Variants in EPHA10 observed in about 807,000 individuals in gnomAD.
EPHA10 encodes ephrin type-A receptor 10.
EPHA10 carries 120 observed loss-of-function variants against 109.7 expected under a neutral mutation model. The observed-to-expected ratio is 1.09, with a 90% confidence interval of 0.94 to 1.27. The LOEUF is 1.27. EPHA10 is among the 50% of genes most tolerant of loss of function. EPHA10 has a pLI of 0.00. For missense variants in EPHA10, 1,396 were observed against 1,411.1 expected (o/e 0.99, Z 0.17); for synonymous variants, 640 against 618.9 (o/e 1.03, Z -0.51).
At chr1:37,735,107 G>C in intron 6 of EPHA10, 150 bp downstream of exon 6, 1 of 872,858 alleles carries the variant, frequency 1.1e-6, no homozygotes, top group Non-Finnish European at 1.8e-6. Context: ...GGAGGAGGGG[G>C]AGACTCGAGC....
chr1:37,739,403 G>A (rs1646119667), intron 5 of EPHA10, among the ~76,000 whole-genome samples: 1 of 152,154 alleles, frequency 6.6e-6, no homozygotes, highest in South Asian at 2.1e-4. Flanking sequence ...AGTGACTCAT[G>A]CTTATAATCT....
chr1:37,761,989 T>C lies in EPHA10; in HGVS notation c.266A>G (p.Gln89Arg). The C allele has an allele frequency of 1.2e-6, 2 of 1,614,206 alleles. No individual in the cohort carries two copies. The highest frequency in any genetic ancestry group is 1.7e-6 in the Non-Finnish European group (2 of 1,180,030). The change falls in exon 3 of 17, where the codon CAG becomes CGG. Residue 89 changes from glutamine to arginine, a missense_variant. Coordinates refer to ENST00000373048, the MANE Select transcript of EPHA10 (RefSeq NM_001099439.2). The stretch of plus-strand genomic sequence containing the variant: ...GCGGCCACGGCTTATCCAGCCAGTC[T>C]GCAGCCAGTTGTCCTGGTTGGGCTC... ...VLEPNQDNWL[Q>R]TGWISRGRGQ...
rs779669590 is a variant in EPHA10 at position 37,761,461 on chromosome 1, G to A, written c.794C>T (p.Pro265Leu). 3 of 1,599,434 alleles carry A rather than the reference G, an allele frequency of 1.9e-6. No homozygotes were observed. The highest frequency in any genetic ancestry group is 2.5e-6 in the Non-Finnish European group (3 of 1,179,666). The change falls in exon 3 of 17, where the codon CCT (proline) becomes CTT (leucine). Residue 265 changes from proline to leucine, a missense_variant. Coordinates refer to ENST00000373048, the MANE Select transcript of EPHA10 (RefSeq NM_001099439.2). ...CGCGCTGCAGCTGCAGCGGCCCACA[G>A]GCACCAGCCACTCGCCGTCGGCGCC... ...HCGADGEWLV[P>L]VGRCSCSAGF...
chr1:37,731,785 C>T (rs779565998), intron 6 of EPHA10, among the ~76,000 whole-genome samples: 4 of 152,218 alleles, frequency 2.6e-5, no homozygotes, highest in Non-Finnish European at 4.4e-5. Context: ...CAAGCACCCA[C>T]CCACACTCGG....
At chr1:37,720,227 C>T in intron 13 of EPHA10, 124 bp downstream of exon 13, 1 of 1,400,536 alleles carries the variant, frequency 7.1e-7, no homozygotes, top group African/African-American at 1.4e-5. Context: ...GGTTCACTCG[C>T]ATTTATGCCA....
intron 3 of EPHA10, 45 bp downstream of exon 3, chr1:37,761,360 C>T (rs1355010257): frequency 1.3e-6 from 2 of 1,590,280 alleles, no homozygotes; most frequent in Admixed American, 1.7e-5. Flanking sequence ...CAATTGCCAC[C>T]TACGCTCTAC....
At chr1:37,756,725 C>T (rs535875978) in intron 3 of EPHA10, 1 of 152,426 alleles carries the variant, frequency 6.6e-6, no homozygotes, top group Admixed American at 6.5e-5. Context: ...CTGTAATGCC[C>T]CTTGTGCCAC....
intron 4 of EPHA10, among the ~76,000 whole-genome samples, 153 bp from the exon 5 acceptor site, chr1:37,753,379 G>T (rs368032825): frequency 1.3e-5 from 2 of 151,618 alleles, no homozygotes; most frequent in African/African-American, 4.8e-5. Flanking sequence ...GAACCAGGGC[G>T]TTCATCAAGG....
intron 5 of EPHA10, among the ~76,000 whole-genome samples, chr1:37,736,470 C>A (rs1489785179): frequency 1.2e-5 from 1 of 83,382 alleles, no homozygotes. Flanking sequence ...AAGCAAAATT[C>A]TGTCTCAAAA....
At chr1:37,749,875 G>A (rs981442879) in intron 5 of EPHA10, among the ~76,000 whole-genome samples, 1 of 152,156 alleles carries the variant, frequency 6.6e-6, no homozygotes, top group Admixed American at 6.5e-5. Flanking sequence ...TGTACAGCCT[G>A]GGTGACAGCA....
Position 37,764,354 on chromosome 1 carries a change from T to C in EPHA10, c.106+607A>G, listed in dbSNP as rs1292014329. On this transcript the variant is annotated intron_variant, in intron 1 of 16. Transcript: ENST00000373048. This position sits in a 1 kb window ranked among gnomAD's most constrained non-coding sequence, Gnocchi z 5.8. ...ACGCCTCTGGATTCAACTGAGCGTA[T>C]AGCTCCCCTAAATGCACAATCAGAG... is the stretch of plus-strand genomic sequence containing the variant. 4.6e-5 allele frequency among the ~76,000 whole-genome samples: 7 copies of C among 152,150 alleles called. No individual in the cohort carries two copies. Among genetic ancestry groups the C allele is most frequent in the Middle Eastern group, 3.2e-3 (1 of 314 alleles).
At chr1:37,748,788 C>T (rs941773556) in intron 5 of EPHA10, among the ~76,000 whole-genome samples, 10 of 152,124 alleles carry the variant, frequency 6.6e-5, no homozygotes, top group African/African-American at 2.4e-4. Context: ...ATAAAATTAA[C>T]ATCCATTTCT....
Position 37,752,917 on chromosome 1 carries a change from C to T in EPHA10, c.1316G>A (p.Gly439Glu), listed in dbSNP as rs901220364. 9.9e-6 allele frequency: 13 copies of T among 1,310,810 alleles called. No homozygotes were observed. The East Asian group carries it at 3.2e-4, about 32-fold the overall frequency. The allele number at this position is 1,310,810 out of a possible 1,614,324, so 81.2% of individuals were successfully genotyped here. Reference protein sequence around the residue: ...NGVSGPAAAAGTTYAQVTVST... With the variant: ...NGVSGPAAAAETTYAQVTVST... ...GACGGTGACCTGCGCGTAGGTGGTT[C>T]CCGCGGCGGCCGCCGGGCCCGAGAC... The change falls in exon 5 of 17, where the codon GGA becomes GAA. Residue 439 changes from glycine (G) to glutamate (E), a missense_variant. Gly to Glu is a moderately conservative substitution (Grantham distance 98). Transcript: ENST00000373048.
chr1:37,720,910 C>T (rs1180251648), intron 11 of EPHA10, 66 bp from the exon 12 acceptor site: 22 of 1,548,052 alleles, frequency 1.4e-5, no homozygotes, highest in Non-Finnish European at 1.3e-5. Flanking sequence ...CACAAGTTTC[C>T]CCCCCAGGGT....
chr1:37,755,553 A>G (rs1646386888), intron 3 of EPHA10, among the ~76,000 whole-genome samples: 1 of 152,170 alleles, frequency 6.6e-6, no homozygotes, highest in South Asian at 2.1e-4. Context: ...AAGTGTTTCT[A>G]TCTGAACAAC....
At position 37,718,294 on chromosome 1, in the gene EPHA10, G is replaced by C; in HGVS notation, c.*78C>G. ...GCGCTCCCTCCCACACTGCTGGAGC[G>C]CAGCTTGCCACGGTCCTTGGGCAGG... On this transcript the variant is annotated 3_prime_UTR_variant, in exon 17 of 17. Transcript: ENST00000373048. 7.9e-7 allele frequency: 1 copy of C among 1,261,442 alleles called. No homozygotes were observed. The highest frequency in any genetic ancestry group is 1.1e-6 in the Non-Finnish European group (1 of 895,504). The allele number at this position is 1,261,442 out of a possible 1,614,324, so 78.1% of individuals were successfully genotyped here. A position where few individuals can be genotyped will look rare whatever the true frequency, so the allele number is the denominator to read the frequency against.
chr1:37,717,024 G>A lies in EPHA10; in HGVS notation c.*1348C>T, dbSNP rs542518654. On this transcript the variant is annotated 3_prime_UTR_variant, in exon 17 of 17. Coordinates refer to ENST00000373048, the MANE Select transcript of EPHA10 (RefSeq NM_001099439.2). ...CTTTACCTCTTGTCTCCTCTTTCCC[G>A]CCCCATCCCACCCCACCAACACACA... The A allele has an allele frequency of 7.7e-5, 14 of 181,300 alleles. No individual in the cohort carries two copies. Among genetic ancestry groups the A allele is most frequent in the East Asian group, 5.0e-4 (5 of 9,964 alleles). The allele number at this position is 181,300 out of a possible 1,614,324, so 11.2% of individuals were successfully genotyped here. A position where few individuals can be genotyped will look rare whatever the true frequency, so the allele number is the denominator to read the frequency against.
intron 7 of EPHA10, among the ~76,000 whole-genome samples, chr1:37,728,109 T>C (rs1461081240): frequency 1.3e-5 from 2 of 152,236 alleles, no homozygotes; most frequent in East Asian, 1.9e-4. Flanking sequence ...CCATCTGAAC[T>C]GGACCTGGAG....
At chr1:37,746,895 A>G (rs1161216081) in intron 5 of EPHA10, among the ~76,000 whole-genome samples, 2 of 152,234 alleles carry the variant, frequency 1.3e-5, no homozygotes, top group East Asian at 3.8e-4. Flanking sequence ...AATTCCATGT[A>G]TTGAGATGCC....
Sources: allele counts gnomAD v4.1 joint callset (sites outside exome capture counted in the v4.1 genomes callset), GRCh38; gene constraint gnomAD v4.1.1; non-coding constraint Gnocchi (gnomAD v3.1); transcripts MANE v1.5; gene names NCBI Gene and HGNC (gene_info 2026-07-23, HGNC 2026-07-21).